Variants in RBFOX1 observed in about 807,000 individuals in gnomAD.
The protein encoded by RBFOX1 is RNA binding fox-1 homolog 1.
A neutral mutation model predicts 57.7 loss-of-function variants in RBFOX1; 8 were observed. The observed-to-expected ratio is 0.14, with a 90% CI of 0.08 to 0.25. The LOEUF (loss-of-function observed/expected upper bound fraction) is 0.25. Among genes scored for constraint, RBFOX1 ranks in the 10% least tolerant of loss-of-function variants. The pLI is 1.00. For synonymous variants in RBFOX1, 326 were observed against 222.4 expected (o/e 1.47, Z -4.15); for missense variants, 611 against 548.5 (o/e 1.11, Z -1.14).
At chr16:6,735,424 T>C (rs1241022072) in intron 3 of RBFOX1, among the ~76,000 whole-genome samples, 1 of 152,168 alleles carries the variant, frequency 6.6e-6, no homozygotes, top group Non-Finnish European at 1.5e-5. Flanking sequence ...GGTAAATGGA[T>C]AGATATTTTT....
intron 4 of RBFOX1, among the ~76,000 whole-genome samples, chr16:7,455,785 CAA>C (rs369544031): frequency 7.2e-5 from 6 of 82,788 alleles, no homozygotes; most frequent in Non-Finnish European, 6.7e-5. Context: ...GACTCCATCT[CAA>C]AAAAAAAAAA....
chr16:5,832,831 G>C (rs1254922825), intron 3 of RBFOX1, among the ~76,000 whole-genome samples: 3 of 152,164 alleles, frequency 2.0e-5, no homozygotes, highest in African/African-American at 7.2e-5. Context: ...GGGACCACAG[G>C]AGCAAAGAGT....
At chr16:5,771,025 G>A (rs140505972) in intron 3 of RBFOX1, among the ~76,000 whole-genome samples, 3 of 152,156 alleles carry the variant, frequency 2.0e-5, no homozygotes, top group Admixed American at 6.5e-5. Context: ...TGGCATCATG[G>A]AGTCTCCTGG....
intron 9 of RBFOX1, among the ~76,000 whole-genome samples, chr16:7,606,865 T>G (rs1034845471): frequency 6.6e-6 from 1 of 152,218 alleles, no homozygotes; most frequent in Non-Finnish European, 1.5e-5. Flanking sequence ...TTAGAATATA[T>G]TGCTGCCAAG....
chr16:7,368,192 G>T (rs986448109), intron 4 of RBFOX1, among the ~76,000 whole-genome samples: 1 of 151,428 alleles, frequency 6.6e-6, no homozygotes, highest in African/African-American at 2.4e-5. Flanking sequence ...GCTTGAACCC[G>T]GGAGGTGGAG....
At chr16:5,553,210 A>G (rs1425368827) in intron 2 of RBFOX1, among the ~76,000 whole-genome samples, 1 of 152,124 alleles carries the variant, frequency 6.6e-6, no homozygotes, top group African/African-American at 2.4e-5. Context: ...GCAGCAAACC[A>G]ACATGGCACA....
chr16:6,091,388 C>T (rs1483920525), intron 1 of RBFOX1, among the ~76,000 whole-genome samples: 2 of 152,226 alleles, frequency 1.3e-5, no homozygotes, highest in Non-Finnish European at 2.9e-5. Flanking sequence ...TCTCTCAACA[C>T]ACTCTTATTT....
chr16:6,242,272 C>T (rs1168189398), intron 1 of RBFOX1, among the ~76,000 whole-genome samples: 3 of 152,156 alleles, frequency 2.0e-5, no homozygotes, highest in Non-Finnish European at 2.9e-5. Flanking sequence ...GGATCATATC[C>T]AAGCTCACTG....
chr16:5,384,333 G>C (rs2066204097), intron 1 of RBFOX1, among the ~76,000 whole-genome samples: 1 of 152,152 alleles, frequency 6.6e-6, no homozygotes, highest in Admixed American at 6.5e-5. Context: ...TCACTACTGT[G>C]GGTATAATGG....
At chr16:5,577,018 C>A (rs188653412) in intron 2 of RBFOX1, among the ~76,000 whole-genome samples, 2 of 152,316 alleles carry the variant, frequency 1.3e-5, no homozygotes, top group East Asian at 3.9e-4. Context: ...CCCTTTTCCT[C>A]CTCTGCTCCT....
At chr16:6,546,849 G>A (rs575562301) in intron 2 of RBFOX1, among the ~76,000 whole-genome samples, 21 of 152,148 alleles carry the variant, frequency 1.4e-4, no homozygotes, top group Admixed American at 2.6e-4. Context: ...CTTGCCATTG[G>A]CAATGACAAG....
At chr16:5,395,237 C>G (rs2066517946) in intron 1 of RBFOX1, among the ~76,000 whole-genome samples, 1 of 152,252 alleles carries the variant, frequency 6.6e-6, no homozygotes, top group Non-Finnish European at 1.5e-5. Flanking sequence ...ATCTCACTAA[C>G]TCTTCCTTGA....
At chr16:5,621,974 G>C (rs911633585) in intron 3 of RBFOX1, among the ~76,000 whole-genome samples, 11 of 152,216 alleles carry the variant, frequency 7.2e-5, no homozygotes, top group East Asian at 3.8e-4. Context: ...TGAGGTTCTT[G>C]TAACAACACA....
In RBFOX1 at chr16:7,023,866, T is replaced by C. The variant is rs184334568; in HGVS notation, c.-15-28191T>C. Among the ~76,000 whole-genome samples the C allele has an allele frequency of 1.2e-3, 190 of 152,228 alleles. 2 individuals are homozygous for C. Among genetic ancestry groups the C allele is most frequent in the Non-Finnish European group, 2.5e-3 (173 of 68,020 alleles). ...AATTTATTCATCATCCCTATATATA[T>C]TTCCCACAGGATCAAAGTATATCGA... On this transcript the variant is annotated intron_variant, in intron 3 of 15. Coordinates refer to ENST00000550418, the MANE Select transcript of RBFOX1 (RefSeq NM_018723.4).
chr16:7,244,678 G>A (rs1199384004), intron 4 of RBFOX1, among the ~76,000 whole-genome samples: 1 of 152,196 alleles, frequency 6.6e-6, no homozygotes, highest in Non-Finnish European at 1.5e-5. Context: ...TATGCAACTT[G>A]TGGGTACTTT....
intron 3 of RBFOX1, among the ~76,000 whole-genome samples, chr16:5,619,725 C>T (rs1005204645): frequency 6.6e-6 from 1 of 152,116 alleles, no homozygotes; most frequent in African/African-American, 2.4e-5. Flanking sequence ...GAGCTTGCTG[C>T]CTGACCCATG....
At chr16:6,802,879 C>T (rs769695302) in intron 3 of RBFOX1, among the ~76,000 whole-genome samples, 1 of 152,142 alleles carries the variant, frequency 6.6e-6, no homozygotes, top group African/African-American at 2.4e-5. Context: ...AAGGAGCTGA[C>T]ATAGTGGAAT....
intron 2 of RBFOX1, among the ~76,000 whole-genome samples, chr16:6,531,915 A>G (rs1401752684): frequency 1.3e-5 from 2 of 152,214 alleles, no homozygotes; most frequent in Non-Finnish European, 2.9e-5. Context: ...TACATTAAGC[A>G]AAAAGAATAC....
chr16:6,388,439 T>A (rs2092419863), intron 2 of RBFOX1, among the ~76,000 whole-genome samples: 1 of 152,176 alleles, frequency 6.6e-6, no homozygotes, highest in African/African-American at 2.4e-5. Context: ...CATTTAATGG[T>A]GATTTAAAAC....
Sources: allele counts gnomAD v4.1 joint callset (sites outside exome capture counted in the v4.1 genomes callset), GRCh38; gene constraint gnomAD v4.1.1; transcripts MANE v1.5; gene names NCBI Gene and HGNC (gene_info 2026-07-23, HGNC 2026-07-21).